Variants in CHCHD3 observed in about 807,000 individuals in gnomAD.
The protein encoded by CHCHD3 is coiled-coil-helix-coiled-coil-helix domain containing 3, also known as MICOS complex subunit MIC19.
A neutral mutation model predicts 38.2 loss-of-function variants in CHCHD3; 20 were observed. The ratio of observed to expected loss-of-function variants is 0.52; its 90% confidence interval spans 0.37 to 0.76. The LOEUF is 0.76. Among genes scored for constraint, CHCHD3 ranks in the 30% least tolerant of loss-of-function variants. The pLI is 0.00. For synonymous variants in CHCHD3, 82 were observed against 100.0 expected (o/e 0.82, Z 1.07); for missense variants, 245 against 279.2 (o/e 0.88, Z 0.87).
chr7:132,931,302 A>G (rs1810509895), intron 4 of CHCHD3, among the ~76,000 whole-genome samples: 1 of 152,248 alleles, frequency 6.6e-6, no homozygotes, highest in Non-Finnish European at 1.5e-5. Flanking sequence ...GAAAACCAGT[A>G]CAATGCAAAC....
chr7:133,000,043 C>A (rs1163979291), intron 3 of CHCHD3, among the ~76,000 whole-genome samples: 1 of 152,084 alleles, frequency 6.6e-6, no homozygotes, highest in Non-Finnish European at 1.5e-5. Context: ...TTTATCAGAT[C>A]AGCAATTTTA....
intron 4 of CHCHD3, among the ~76,000 whole-genome samples, chr7:132,900,590 A>C (rs375663755): frequency 1.3e-5 from 2 of 152,242 alleles, no homozygotes; most frequent in African/African-American, 4.8e-5. Flanking sequence ...ATGGAAAAAA[A>C]AACTAGCAGT....
intron 4 of CHCHD3, among the ~76,000 whole-genome samples, chr7:132,898,093 A>G (rs1440114415): frequency 6.6e-6 from 1 of 152,104 alleles, no homozygotes; most frequent in Non-Finnish European, 1.5e-5. Flanking sequence ...CCCTGGCTTC[A>G]GGAGTGAAGC....
chr7:132,846,835 T>A (rs927184675), intron 5 of CHCHD3, among the ~76,000 whole-genome samples: 9 of 152,160 alleles, frequency 5.9e-5, no homozygotes, highest in African/African-American at 1.7e-4. Flanking sequence ...TACTACAAAT[T>A]GACAAACACT....
intron 6 of CHCHD3, among the ~76,000 whole-genome samples, chr7:132,801,875 A>T (rs1184434578): frequency 6.6e-6 from 1 of 152,202 alleles, no homozygotes; most frequent in Non-Finnish European, 1.5e-5. Context: ...CAGGTTCACA[A>T]TTCCACAGTC....
At chr7:133,002,191 T>A (rs1812592217) in intron 3 of CHCHD3, among the ~76,000 whole-genome samples, 1 of 152,364 alleles carries the variant, frequency 6.6e-6, no homozygotes, top group South Asian at 2.1e-4. Flanking sequence ...GAGTTATCTG[T>A]AAGAATAAGC....
At chr7:132,999,834 A>C (rs1247403816) in intron 3 of CHCHD3, among the ~76,000 whole-genome samples, 1 of 152,114 alleles carries the variant, frequency 6.6e-6, no homozygotes, top group African/African-American at 2.4e-5. Flanking sequence ...TGTCAGTGAC[A>C]CTCAATGATC....
At chr7:132,950,670 G>C (rs1811016799) in intron 4 of CHCHD3, among the ~76,000 whole-genome samples, 2 of 151,936 alleles carry the variant, frequency 1.3e-5, no homozygotes, top group Admixed American at 1.3e-4. Context: ...TTTAAAGAAG[G>C]TTTTTTTTCA....
Position 132,796,466 on chromosome 7 carries a change from C to T in CHCHD3, c.636G>A (p.Met212Ile). ...CCTGTTTGGCATGATTGACACAGTG[C>T]ATATACTGGGTGGCCAGAGCGGAGC... ...LKCSALATQY[M>I]HCVNHAKQSM... Residue 212 changes from methionine to isoleucine, a missense_variant, in exon 7 of 8, where the codon ATG becomes ATA. Met to Ile is a conservative substitution (Grantham distance 10, BLOSUM62 1). Coordinates refer to ENST00000262570, the MANE Select transcript of CHCHD3 (RefSeq NM_017812.4). The T allele has an allele frequency of 6.2e-7, 1 of 1,613,922 alleles. No homozygotes were observed. Among genetic ancestry groups the T allele is most frequent in the Middle Eastern group, 1.7e-4 (1 of 6,054 alleles).
intron 2 of CHCHD3, among the ~76,000 whole-genome samples, chr7:133,031,129 C>T (rs1237308232): frequency 6.6e-6 from 1 of 152,032 alleles, no homozygotes; most frequent in East Asian, 1.9e-4. Context: ...TATACTTGAT[C>T]CTGAGTATTC....
rs975781210 is a variant in CHCHD3 at position 132,831,868 on chromosome 7, T to C, written c.524+6531A>G. The stretch of plus-strand genomic sequence containing the variant: ...CGTATTTAATTATTTTACAGCCAAT[T>C]AAGCAGGATCTTTAAACACCATTGC... On this transcript the variant is annotated intron_variant, in intron 6 of 7. Coordinates refer to ENST00000262570, the MANE Select transcript of CHCHD3 (RefSeq NM_017812.4). Among the ~76,000 whole-genome samples, 108 of 152,294 alleles carry C rather than the reference T, an allele frequency of 7.1e-4. 2 individuals carry two copies. Among genetic ancestry groups the C allele is most frequent in the African/African-American group, 2.5e-3 (102 of 41,568 alleles).
chr7:132,973,360 A>G, intron 4 of CHCHD3: 2 of 985,508 alleles, frequency 2.0e-6, no homozygotes, highest in Non-Finnish European at 2.4e-6. Flanking sequence ...TTTAATATAC[A>G]TAGAAATGAC....
chr7:132,827,979 G>A (rs969542726), intron 6 of CHCHD3, among the ~76,000 whole-genome samples: 4 of 152,156 alleles, frequency 2.6e-5, no homozygotes, highest in Non-Finnish European at 4.4e-5. Flanking sequence ...ATACCACTGA[G>A]TTGAGTGGAA....
chr7:133,000,593 T>C (rs747027765), intron 3 of CHCHD3, among the ~76,000 whole-genome samples: 40 of 152,302 alleles, frequency 2.6e-4, no homozygotes, highest in Non-Finnish European at 5.4e-4. Flanking sequence ...GTTGTCACTT[T>C]CATGCAATTG....
chr7:132,912,080 C>T (rs1419177843), intron 4 of CHCHD3, among the ~76,000 whole-genome samples: 2 of 152,214 alleles, frequency 1.3e-5, no homozygotes, highest in African/African-American at 4.8e-5. Flanking sequence ...CAACTACTCA[C>T]AATATCCTAT....
At chr7:132,988,394 C>A (rs1812183504) in intron 3 of CHCHD3, among the ~76,000 whole-genome samples, 1 of 151,942 alleles carries the variant, frequency 6.6e-6, no homozygotes. Context: ...GTAATCCCCA[C>A]ATTAAATAAT....
intron 5 of CHCHD3, among the ~76,000 whole-genome samples, chr7:132,866,673 T>C (rs1808633389): frequency 6.6e-6 from 1 of 152,172 alleles, no homozygotes; most frequent in Admixed American, 6.5e-5. Context: ...GAAAAAGAAT[T>C]AGAGTCACTC....
At chr7:132,867,476 A>G (rs1808662235) in intron 5 of CHCHD3, among the ~76,000 whole-genome samples, 1 of 152,234 alleles carries the variant, frequency 6.6e-6, no homozygotes, top group Non-Finnish European at 1.5e-5. Flanking sequence ...TCTTGAATTC[A>G]GCAAAACTTA....
intron 7 of CHCHD3, among the ~76,000 whole-genome samples, chr7:132,786,247 C>T (rs1430303446): frequency 1.3e-5 from 2 of 152,036 alleles, no homozygotes; most frequent in African/African-American, 2.4e-5. Flanking sequence ...ATGCAGTGAC[C>T]GGGGGAAAGC....
Sources: gnomAD v4.1 joint callset for allele counts (sites outside exome capture counted in the v4.1 genomes callset) on GRCh38, gnomAD v4.1.1 for gene constraint, MANE v1.5 for transcripts, NCBI Gene and HGNC (gene_info 2026-07-23, HGNC 2026-07-21) for gene names.